The following FAM117A variants were observed in gnomAD, a reference collection of about 807,000 sequenced individuals.
FAM117A encodes the protein family with sequence similarity 117 member A.
Under a neutral mutation model 44.1 loss-of-function variants are expected in FAM117A, and 21 were observed. The ratio of observed to expected loss-of-function variants is 0.48; its 90% CI spans 0.34 to 0.69. FAM117A has a LOEUF of 0.69. Ranked by LOEUF, FAM117A falls within the 30% of genes least tolerant of loss-of-function variation. The probability of loss-of-function intolerance (pLI) is 0.01; values close to 1 mark genes in which losing one functional copy is unlikely to be tolerated. For missense variants in FAM117A, 498 were observed against 589.9 expected (o/e 0.84, Z 1.61); for synonymous variants, 220 against 238.3 (o/e 0.92, Z 0.71).
chr17:49,749,453 T>A (rs2073666954), intron 1 of FAM117A, among the ~76,000 whole-genome samples: 1 of 151,260 alleles, frequency 6.6e-6, no homozygotes, highest in South Asian at 2.1e-4. Flanking sequence ...GGCACGCGCC[T>A]GTAGTCCCAG....
In FAM117A at chr17:49,711,501, G is replaced by A. The variant is rs1217578711; in HGVS notation, c.1116C>T (p.Val372=). The change falls in exon 8 of 8, where the codon GTC becomes GTT. Residue 372 remains valine (V), a synonymous_variant. Coordinates refer to ENST00000240364, the MANE Select transcript of FAM117A (RefSeq NM_030802.4). The part of the protein sequence containing the change: ...FLTSCPDKNK[V]HFNPTGSAFC... Reference sequence around the variant, plus strand: ...AGGCTGAGCCAGTCGGGTTGAAATGGACTTTGTTCTTGTCAGGACAGGAAG... The same window carrying A: ...AGGCTGAGCCAGTCGGGTTGAAATGAACTTTGTTCTTGTCAGGACAGGAAG... 7.4e-6 allele frequency: 12 copies of A among 1,614,018 alleles called. No homozygotes were observed. Among genetic ancestry groups the A allele is most frequent in the Admixed American group, 6.7e-5 (4 of 60,014 alleles).
At chr17:49,755,891 G>C (rs2073696787) in intron 1 of FAM117A, among the ~76,000 whole-genome samples, 2 of 152,164 alleles carry the variant, frequency 1.3e-5, no homozygotes, top group South Asian at 4.1e-4. Context: ...TATTTATTGA[G>C]CATGACACTC....
chr17:49,782,310 G>A lies in FAM117A; in HGVS notation c.-621+6187C>T, dbSNP rs562970165. 4.2e-4 allele frequency among the ~76,000 whole-genome samples: 58 copies of A among 139,584 alleles called. 1 individual carries two copies. In the South Asian group the frequency reaches 0.014, roughly 33 times the overall value. 91.6% of individuals were successfully genotyped at this position (139,584 alleles called of 152,430 possible). On this transcript the variant is annotated intron_variant, in intron 1 of 7. Coordinates refer to the FAM117A transcript ENST00000513602. ...GAAAATGGCATGAACCTGGGAGGCG[G>A]AGCTTGCAGTGAGCCAAGACTGCGC...
upstream of FAM117A, among the ~76,000 whole-genome samples, chr17:49,766,533 C>T (rs2073746335): frequency 6.6e-6 from 1 of 152,208 alleles, no homozygotes; most frequent in South Asian, 2.1e-4. Context: ...GCTTTCCCAA[C>T]CAACACTCAA....
rs553111198 is a variant in FAM117A, at chr17:49,769,667, T to C, written c.-621+18830A>G. On this transcript the variant is annotated intron_variant, in intron 1 of 7. Coordinates refer to the FAM117A transcript ENST00000513602. Reference sequence around the variant, plus strand: ...TTGCAGTGAGCTGAGATCGCGCCACTGCACTCCAGCCTGGGCGACAGAGCG... The same window carrying C: ...TTGCAGTGAGCTGAGATCGCGCCACCGCACTCCAGCCTGGGCGACAGAGCG... Among the ~76,000 whole-genome samples the C allele has an allele frequency of 9.2e-5, 14 of 152,148 alleles. No homozygotes were observed. The East Asian group carries it at 2.1e-3, about 23-fold the overall frequency.
intron 1 of FAM117A, among the ~76,000 whole-genome samples, chr17:49,746,321 G>A (rs1431691814): frequency 6.6e-6 from 1 of 152,148 alleles, no homozygotes; most frequent in East Asian, 1.9e-4. Flanking sequence ...AAAAATACTG[G>A]CTTCATTTAG....
At chr17:49,776,173 G>A (rs2073775121) in intron 1 of FAM117A, among the ~76,000 whole-genome samples, 1 of 152,168 alleles carries the variant, frequency 6.6e-6, no homozygotes, top group African/African-American at 2.4e-5. Context: ...GCTGACTACA[G>A]GCTAAGCAAT....
upstream of FAM117A, among the ~76,000 whole-genome samples, chr17:49,769,100 G>A (rs1292354822): frequency 2.0e-5 from 3 of 151,978 alleles, no homozygotes; most frequent in East Asian, 5.8e-4. Context: ...GTTCAAGACC[G>A]GCCTGGCCAA....
At chr17:49,714,931 G>A (rs916504048) in intron 7 of FAM117A, among the ~76,000 whole-genome samples, 4 of 152,190 alleles carry the variant, frequency 2.6e-5, no homozygotes, top group Admixed American at 1.3e-4. Context: ...TTAGAGGCAT[G>A]AGCCACTGCA....
At chr17:49,756,636 C>T (rs898482009) in intron 1 of FAM117A, among the ~76,000 whole-genome samples, 4 of 151,130 alleles carry the variant, frequency 2.6e-5, no homozygotes, top group Non-Finnish European at 5.9e-5. Flanking sequence ...GAGACAAAGG[C>T]CAGGCGTGGT....
chr17:49,769,380 G>T (rs899905676), intron 1 of FAM117A, among the ~76,000 whole-genome samples: 2 of 151,982 alleles, frequency 1.3e-5, no homozygotes, highest in African/African-American at 4.8e-5. Context: ...CAGGTAAAGG[G>T]TAAATGTAGG....
At chr17:49,758,636 ATAAAAT>A (rs1402262239) in intron 1 of FAM117A, among the ~76,000 whole-genome samples, 3 of 110,072 alleles carry the variant, frequency 2.7e-5, no homozygotes, top group African/African-American at 1.2e-4. Context: ...AAAAAAAAAA[ATAAAAT>A]AAATAAATAA....
At chr17:49,764,239 GC>G, upstream of FAM117A, 1 of 410,012 alleles carries the variant, frequency 2.4e-6, no homozygotes, top group Non-Finnish European at 4.4e-6. Flanking sequence ...TTCCACCCCA[GC>G]CAATCCACAG....
At chr17:49,754,195 T>C (rs113873008) in intron 1 of FAM117A, among the ~76,000 whole-genome samples, 87 of 150,528 alleles carry the variant, frequency 5.8e-4, no homozygotes, top group Non-Finnish European at 1.1e-3. Flanking sequence ...ACAGGGGCTG[T>C]GTGGCAAGTT....
At chr17:49,774,380 G>A (rs1263100610) in intron 1 of FAM117A, among the ~76,000 whole-genome samples, 1 of 133,328 alleles carries the variant, frequency 7.5e-6, no homozygotes, top group Non-Finnish European at 1.6e-5. Flanking sequence ...TTTTTTTTGA[G>A]ACGGAGTCTC....
chr17:49,713,954 A>G (rs1359502970), intron 7 of FAM117A, among the ~76,000 whole-genome samples: 1 of 152,166 alleles, frequency 6.6e-6, no homozygotes, highest in Non-Finnish European at 1.5e-5. Context: ...CTGGCGTCCT[A>G]GAGACTCCAC....
intron 1 of FAM117A, 150 bp from the exon 2 acceptor site, chr17:49,732,870 A>G (rs2073592581): frequency 1.3e-6 from 1 of 791,126 alleles, no homozygotes; most frequent in African/African-American, 1.7e-5. Flanking sequence ...AGCCTGAAAC[A>G]GCACATATGG....
chr17:49,778,376 T>G (rs986740035), intron 1 of FAM117A, among the ~76,000 whole-genome samples: 1 of 152,210 alleles, frequency 6.6e-6, no homozygotes, highest in Non-Finnish European at 1.5e-5. Flanking sequence ...GTCTGTTTTT[T>G]AAAAAATGAC....
In FAM117A at chr17:49,748,456, A is replaced by G. The variant is rs547870144; in HGVS notation, c.196+15436T>C. On this transcript the variant is annotated intron_variant, in intron 1 of 7. Coordinates refer to ENST00000240364, the MANE Select transcript of FAM117A (RefSeq NM_030802.4). ...CCTGATTCTGGTTGGCCACTACCGG[A>G]AACTTACGTTAGAGGAGGAAAGAGC... Among the ~76,000 whole-genome samples, 5 of 152,290 alleles carry G rather than the reference A, an allele frequency of 3.3e-5. No homozygotes were observed. In the South Asian group the frequency reaches 8.3e-4, roughly 25 times the overall value.
Sources: allele counts gnomAD v4.1 joint callset (sites outside exome capture counted in the v4.1 genomes callset), GRCh38; gene constraint gnomAD v4.1.1; transcripts MANE v1.5; gene names NCBI Gene and HGNC (gene_info 2026-07-23, HGNC 2026-07-21).